RSF1: variants seen among roughly 807,000 people sequenced by gnomAD.
RSF1 encodes the protein remodeling and spacing factor 1.
Under a neutral mutation model 145.2 loss-of-function variants are expected in RSF1, and 13 were observed. That is an observed-to-expected ratio of 0.09 (90% CI 0.06 to 0.14). RSF1 has a LOEUF of 0.14. Among genes scored for constraint, RSF1 ranks in the 10% least tolerant of loss-of-function variants. The probability of loss-of-function intolerance (pLI) is 1.00; values close to 1 mark genes in which losing one functional copy is unlikely to be tolerated. For missense variants in RSF1, 1,517 were observed against 1,718.2 expected (o/e 0.88, Z 2.07); for synonymous variants, 577 against 592.6 (o/e 0.97, Z 0.38).
At chr11:77,804,673 GA>G (rs1311974830) in intron 1 of RSF1, among the ~76,000 whole-genome samples, 3 of 150,636 alleles carry the variant, frequency 2.0e-5, no homozygotes, top group Admixed American at 1.3e-4. Flanking sequence ...TCCATCTCTA[GA>G]AAAAAAAAAT....
At chr11:77,729,424 T>C (rs1961140868) in intron 4 of RSF1, among the ~76,000 whole-genome samples, 1 of 152,126 alleles carries the variant, frequency 6.6e-6, no homozygotes, top group Non-Finnish European at 1.5e-5. Flanking sequence ...TAATCTAGAC[T>C]TCAATGAAAT....
rs1565161218 is a variant in RSF1 at position 77,725,709 on chromosome 11, G to A, written c.579-10C>T. The A allele has an allele frequency of 4.5e-6, 7 of 1,555,070 alleles. No homozygotes were observed. Among genetic ancestry groups the A allele is most frequent in the Admixed American group, 2.0e-5 (1 of 51,118 alleles). On this transcript the variant is annotated splice_polypyrimidine_tract_variant and intron_variant, in intron 4 of 15. Coordinates refer to ENST00000308488, the MANE Select transcript of RSF1 (RefSeq NM_016578.4). ...CAACTCGTTTCGATTTCTAAACAAG[G>A]AAAAAAATAAGACAGCATAAAAACC...
the RSF1 span, among the ~76,000 whole-genome samples, chr11:77,846,835 A>G: frequency 6.6e-6 from 1 of 151,946 alleles, no homozygotes; most frequent in South Asian, 2.1e-4. Context: ...TAAGTTGACA[A>G]TTTTTTTTAG....
intron 1 of RSF1, among the ~76,000 whole-genome samples, chr11:77,804,525 A>C (rs1565186075): frequency 2.6e-5 from 4 of 152,218 alleles, no homozygotes; most frequent in Admixed American, 2.6e-4. Flanking sequence ...TTACAGGTCT[A>C]TATAAGCACA....
chr11:77,865,746 T>C, the RSF1 span, among the ~76,000 whole-genome samples: 1 of 152,232 alleles, frequency 6.6e-6, no homozygotes, highest in Non-Finnish European at 1.5e-5. Flanking sequence ...GAAGCACATA[T>C]AATACTAGAC....
At chr11:77,683,689 A>T in intron 11 of RSF1, 21 bp downstream of exon 11, 1 of 1,506,726 alleles carries the variant, frequency 6.6e-7, no homozygotes, top group Non-Finnish European at 9.2e-7. Flanking sequence ...TTTGCTGTAG[A>T]CATTTCCATA....
At chr11:77,788,561 A>T (rs1282025009) in intron 1 of RSF1, among the ~76,000 whole-genome samples, 1 of 151,804 alleles carries the variant, frequency 6.6e-6, no homozygotes, top group Non-Finnish European at 1.5e-5. Context: ...ACAAAATGAT[A>T]CAGAGGAAAA....
At chr11:77,779,712 T>C (rs973153447) in intron 1 of RSF1, among the ~76,000 whole-genome samples, 1 of 152,144 alleles carries the variant, frequency 6.6e-6, no homozygotes, top group African/African-American at 2.4e-5. Context: ...AAATATACTA[T>C]TGTCTTGCTG....
intron 15 of RSF1, among the ~76,000 whole-genome samples, 169 bp from the exon 16 acceptor site, chr11:77,667,660 C>A (rs902553906): frequency 6.6e-6 from 1 of 152,148 alleles, no homozygotes; most frequent in Non-Finnish European, 1.5e-5. Flanking sequence ...CATAACAATG[C>A]CCAATATGAT....
At chr11:77,735,800 C>T (rs961037008) in intron 4 of RSF1, among the ~76,000 whole-genome samples, 2 of 152,078 alleles carry the variant, frequency 1.3e-5, no homozygotes, top group Admixed American at 6.5e-5. Flanking sequence ...AGTGCAGTGG[C>T]GCAATCTTGG....
At position 77,748,104 on chromosome 11, in the gene RSF1, G is replaced by A. The variant is rs561445563; in HGVS notation, c.280-976C>T. Among the ~76,000 whole-genome samples, 5 of 151,886 alleles carry A rather than the reference G, an allele frequency of 3.3e-5. No individual in the cohort carries two copies. In the South Asian group the frequency reaches 1.0e-3, roughly 32 times the overall value. On this transcript the variant is annotated intron_variant, in intron 2 of 15. Coordinates refer to ENST00000308488, the MANE Select transcript of RSF1 (RefSeq NM_016578.4). ...TACCCTTTTCCTAGCCTGCACTAGT[G>A]TCATAGTGTCATCTCTTTTCATCGA...
intron 14 of RSF1, among the ~76,000 whole-genome samples, chr11:77,674,046 T>C (rs1959626693): frequency 6.6e-6 from 1 of 152,216 alleles, no homozygotes; most frequent in Non-Finnish European, 1.5e-5. Context: ...TGTGTACTGT[T>C]AATTAGGTAA....
chr11:77,723,115 T>C (rs986291328), intron 5 of RSF1, among the ~76,000 whole-genome samples: 1 of 152,086 alleles, frequency 6.6e-6, no homozygotes, highest in Non-Finnish European at 1.5e-5. Flanking sequence ...CCTTGGAAAA[T>C]ACTACTAAAA....
At chr11:77,748,692 T>A (rs889661168) in intron 2 of RSF1, among the ~76,000 whole-genome samples, 4 of 152,174 alleles carry the variant, frequency 2.6e-5, no homozygotes, top group African/African-American at 7.2e-5. Context: ...ACGGAAAAAT[T>A]TGAATGCTCA....
At chr11:77,703,040 G>A (rs550280666) in intron 5 of RSF1, 1 of 152,222 alleles carries the variant, frequency 6.6e-6, no homozygotes, top group East Asian at 1.9e-4. Flanking sequence ...TTTTCACTAA[G>A]TTGGTATCAT....
At chr11:77,749,466 G>C (rs1334205420) in intron 2 of RSF1, among the ~76,000 whole-genome samples, 4 of 152,102 alleles carry the variant, frequency 2.6e-5, no homozygotes, top group African/African-American at 9.7e-5. Context: ...GCCAAGTATG[G>C]GGAAGCTCAT....
At chr11:77,750,419 G>A (rs763361792) in intron 2 of RSF1, among the ~76,000 whole-genome samples, 5 of 152,166 alleles carry the variant, frequency 3.3e-5, no homozygotes, top group Non-Finnish European at 4.4e-5. Context: ...TTTGTTTATG[G>A]ATAATGAAAT....
intron 12 of RSF1, among the ~76,000 whole-genome samples, chr11:77,677,851 A>T (rs886689653): frequency 6.6e-6 from 1 of 152,256 alleles, no homozygotes; most frequent in Non-Finnish European, 1.5e-5. Flanking sequence ...AGGAACATCA[A>T]TGTTTTATAT....
intron 2 of RSF1, among the ~76,000 whole-genome samples, chr11:77,761,219 G>A (rs970013308): frequency 3.9e-5 from 6 of 152,110 alleles, no homozygotes; most frequent in Non-Finnish European, 8.8e-5. Context: ...GATTACAGGC[G>A]TGAGCCACCG....
Sources: gnomAD v4.1 joint callset for allele counts (sites outside exome capture counted in the v4.1 genomes callset) on GRCh38, gnomAD v4.1.1 for gene constraint, MANE v1.5 for transcripts, NCBI Gene and HGNC (gene_info 2026-07-23, HGNC 2026-07-21) for gene names.